FRMD3: variants seen among roughly 807,000 people sequenced by gnomAD.
FRMD3 encodes FERM domain-containing protein 3.
A neutral mutation model predicts 70.2 loss-of-function variants in FRMD3; 33 were observed. That is an observed-to-expected ratio of 0.47 (90% CI 0.36 to 0.63). FRMD3 has a LOEUF of 0.63. FRMD3 is among the 20% of genes least tolerant of loss of function. The pLI is 0.00. For missense variants in FRMD3, 632 were observed against 711.4 expected, an observed-to-expected ratio of 0.89 and a Z score of 1.27; for synonymous variants, 279 against 255.9, an observed-to-expected ratio of 1.09 and a Z score of -0.86.
At chr9:83,483,924 C>T (rs1828627347) in intron 1 of FRMD3, among the ~76,000 whole-genome samples, 1 of 152,162 alleles carries the variant, frequency 6.6e-6, no homozygotes, top group Admixed American at 6.6e-5. Flanking sequence ...CTGTACTCTT[C>T]CTCAAGGGCC....
chr9:83,436,458 ATGTGTGTGTGTG>A (rs148417744), intron 1 of FRMD3, among the ~76,000 whole-genome samples: 2 of 144,566 alleles, frequency 1.4e-5, no homozygotes, highest in Non-Finnish European at 3.0e-5. Flanking sequence ...AATTAATAAG[ATGTGTGTGTGTG>A]TGTGTGTGTG....
intron 8 of FRMD3, among the ~76,000 whole-genome samples, chr9:83,310,997 T>C (rs544384848): frequency 6.6e-6 from 1 of 152,332 alleles, no homozygotes; most frequent in South Asian, 2.1e-4. Flanking sequence ...TCACTCCTGT[T>C]TTCCCTGTTT....
chr9:83,371,177 T>G (rs1824959140), intron 3 of FRMD3, among the ~76,000 whole-genome samples: 1 of 152,114 alleles, frequency 6.6e-6, no homozygotes, highest in African/African-American at 2.4e-5. Flanking sequence ...TCTAAATATT[T>G]TCAAATATAT....
chr9:83,536,383 G>C (rs1174729133), intron 1 of FRMD3, among the ~76,000 whole-genome samples: 1 of 152,128 alleles, frequency 6.6e-6, no homozygotes, highest in African/African-American at 2.4e-5. Flanking sequence ...AAGTGGTACA[G>C]GGCAGAAGAG....
rs1221003092 is a variant in FRMD3 at position 83,247,428 on chromosome 9, TA to T, written c.*489del. On this transcript the variant is annotated 3_prime_UTR_variant, in exon 14 of 14. Transcript: ENST00000304195. ...AATTTACCAAAATAGTTTGAACACA[TA>T]AAAATATTTTTAAAAAAACAGAACC... The T allele has an allele frequency of 2.1e-6, 2 of 974,080 alleles. No individual in the cohort carries two copies. The highest frequency in any genetic ancestry group is 6.2e-5 in the Admixed American group (1 of 16,056). 60.3% of individuals were successfully genotyped at this position (974,080 alleles called of 1,614,324 possible).
chr9:83,522,984 C>A (rs979787058), intron 1 of FRMD3, among the ~76,000 whole-genome samples: 1 of 152,164 alleles, frequency 6.6e-6, no homozygotes, highest in Admixed American at 6.6e-5. Flanking sequence ...CCAATAACAT[C>A]CTAGTATTTT....
At chr9:83,360,245 T>C (rs991161995) in intron 3 of FRMD3, among the ~76,000 whole-genome samples, 2 of 152,198 alleles carry the variant, frequency 1.3e-5, no homozygotes, top group African/African-American at 2.4e-5. Flanking sequence ...CTTGGAGTCA[T>C]GTTGATAGGT....
At chr9:83,456,378 C>A (rs1827817159) in intron 1 of FRMD3, among the ~76,000 whole-genome samples, 1 of 152,042 alleles carries the variant, frequency 6.6e-6, no homozygotes, top group African/African-American at 2.4e-5. Flanking sequence ...TCCCTGTATA[C>A]ATTTCACAAT....
chr9:83,560,417 A>G, the FRMD3 span, among the ~76,000 whole-genome samples: 1 of 152,238 alleles, frequency 6.6e-6, no homozygotes, highest in East Asian at 1.9e-4. Flanking sequence ...GCCCCAGAAC[A>G]AATGTACATG....
intron 1 of FRMD3, among the ~76,000 whole-genome samples, chr9:83,463,130 G>A (rs936819583): frequency 6.6e-6 from 1 of 152,138 alleles, no homozygotes; most frequent in Non-Finnish European, 1.5e-5. Context: ...AGAATGGGGG[G>A]ACTCAGAGCC....
intron 5 of FRMD3, among the ~76,000 whole-genome samples, chr9:83,342,598 A>G (rs993126167): frequency 1.3e-5 from 2 of 152,188 alleles, no homozygotes; most frequent in East Asian, 3.9e-4. Context: ...GCCCACAGCT[A>G]GAAGAGCTGA....
chr9:83,572,528 G>A, the FRMD3 span, among the ~76,000 whole-genome samples: 2 of 152,334 alleles, frequency 1.3e-5, no homozygotes, highest in Admixed American at 1.3e-4. Context: ...AGAGGCTGGA[G>A]GAGGCAGCGT....
At chr9:83,327,848 C>T (rs1314933641) in intron 6 of FRMD3, among the ~76,000 whole-genome samples, 1 of 152,160 alleles carries the variant, frequency 6.6e-6, no homozygotes, top group Non-Finnish European at 1.5e-5. Flanking sequence ...TCATGCCTTT[C>T]TACATCCTAA....
intron 1 of FRMD3, among the ~76,000 whole-genome samples, chr9:83,533,089 C>G (rs1829822195): frequency 6.6e-6 from 1 of 152,168 alleles, no homozygotes; most frequent in Admixed American, 6.5e-5. Flanking sequence ...TTTAACTTGT[C>G]TACTCTTTTA....
chr9:83,349,079 A>C (rs916793299), intron 4 of FRMD3, among the ~76,000 whole-genome samples: 2 of 152,182 alleles, frequency 1.3e-5, no homozygotes, highest in African/African-American at 4.8e-5. Context: ...TCCTCCTAGA[A>C]TCCTGCTCAC....
intron 6 of FRMD3, among the ~76,000 whole-genome samples, chr9:83,317,076 A>C (rs985124632): frequency 6.6e-6 from 1 of 151,982 alleles, no homozygotes; most frequent in Admixed American, 6.6e-5. Context: ...ATTGTGCACT[A>C]TGATCGTGCC....
chr9:83,401,380 G>C (rs1247482581), intron 1 of FRMD3, among the ~76,000 whole-genome samples: 1 of 152,188 alleles, frequency 6.6e-6, no homozygotes, highest in Non-Finnish European at 1.5e-5. Context: ...GTACTATAGA[G>C]ATAATCTTAT....
At chr9:83,564,368 T>C in the FRMD3 span, among the ~76,000 whole-genome samples, 1 of 152,190 alleles carries the variant, frequency 6.6e-6, no homozygotes, top group African/African-American at 2.4e-5. Flanking sequence ...TCTAAGTCCC[T>C]AATATATGCC....
At chr9:83,472,824 C>T (rs760447137) in intron 1 of FRMD3, among the ~76,000 whole-genome samples, 12 of 152,042 alleles carry the variant, frequency 7.9e-5, no homozygotes, top group South Asian at 2.1e-4. Flanking sequence ...ATATCTTTTT[C>T]GATAGTTTTA....
Sources: gnomAD v4.1 joint callset for allele counts (sites outside exome capture counted in the v4.1 genomes callset) on GRCh38, gnomAD v4.1.1 for gene constraint, MANE v1.5 for transcripts, NCBI Gene and HGNC (gene_info 2026-07-23, HGNC 2026-07-21) for gene names.